ATP6V1D: variants seen among roughly 807,000 people sequenced by gnomAD.
The protein encoded by ATP6V1D is V-type proton ATPase subunit D.
A neutral mutation model predicts 39.4 loss-of-function variants in ATP6V1D; 20 were observed. The observed-to-expected ratio is 0.51, with a 90% confidence interval of 0.36 to 0.74. The LOEUF (loss-of-function observed/expected upper bound fraction) is 0.74. Ranked by LOEUF, ATP6V1D falls within the 30% of genes least tolerant of loss-of-function variation. The probability of loss-of-function intolerance (pLI) is 0.00; values close to 1 mark genes in which losing one functional copy is unlikely to be tolerated. For synonymous variants in ATP6V1D, 100 were observed against 100.5 expected (o/e 0.99, Z 0.03); for missense variants, 228 against 291.6 (o/e 0.78, Z 1.59).
intron 7 of ATP6V1D, among the ~76,000 whole-genome samples, chr14:67,342,557 C>CTTTTTTTTT (rs767148771): frequency 2.9e-5 from 4 of 136,960 alleles, no homozygotes; most frequent in East Asian, 2.1e-4. Context: ...ACGAATTATC[C>CTTTTTTTTT]TTTTTTTTTT....
intron 1 of ATP6V1D, among the ~76,000 whole-genome samples, chr14:67,354,865 G>C (rs1256641014): frequency 6.6e-6 from 1 of 152,210 alleles, no homozygotes; most frequent in Non-Finnish European, 1.5e-5. Flanking sequence ...CCAGGCTAGA[G>C]TGCAATGGCG....
intron 2 of ATP6V1D, 100 bp downstream of exon 2, chr14:67,352,823 G>GA (rs535894052): frequency 1.3e-6 from 1 of 758,924 alleles, no homozygotes; most frequent in South Asian, 2.0e-5. Context: ...ACTTTTGAAA[G>GA]AAAAAAATTA....
chr14:67,356,440 A>AC (rs1566604310), intron 1 of ATP6V1D, among the ~76,000 whole-genome samples: 28 of 141,830 alleles, frequency 2.0e-4, no homozygotes, highest in African/African-American at 6.8e-4. Context: ...AAAACAAAAA[A>AC]AAAAAAACAA....
intron 2 of ATP6V1D, 68 bp downstream of exon 2, chr14:67,352,855 A>C: frequency 5.6e-6 from 6 of 1,076,546 alleles, no homozygotes; most frequent in Non-Finnish European, 8.0e-6. Context: ...AACAACAAAA[A>C]AAAAAATGCC....
At chr14:67,349,161 G>A in intron 3 of ATP6V1D, 57 bp from the exon 4 acceptor site, 1 of 1,503,060 alleles carries the variant, frequency 6.7e-7, no homozygotes, top group East Asian at 2.3e-5. Context: ...AACCTACAGG[G>A]ACCCACTGGA....
intron 3 of ATP6V1D, 91 bp downstream of exon 3, chr14:67,350,520 T>C (rs2085648994): frequency 8.6e-7 from 1 of 1,157,174 alleles, no homozygotes; most frequent in East Asian, 2.4e-5. Context: ...TCCTTAACGC[T>C]TATTTCTAAA....
At chr14:67,338,969 C>T (rs1357032895) in intron 8 of ATP6V1D, among the ~76,000 whole-genome samples, 2 of 148,872 alleles carry the variant, frequency 1.3e-5, no homozygotes, top group Admixed American at 6.7e-5. Context: ...AAGCTAATAA[C>T]TGATTTAACC....
chr14:67,350,682 C>T lies in ATP6V1D; in HGVS notation c.168G>A (p.Met56Ile). 2 of 1,613,320 alleles carry T rather than the reference C, an allele frequency of 1.2e-6. No homozygotes were observed. Among genetic ancestry groups the T allele is most frequent in the Non-Finnish European group, 1.7e-6 (2 of 1,179,622 alleles). Residue 56 changes from methionine to isoleucine, a missense_variant, in exon 3 of 9, where the codon ATG (methionine) becomes ATA (isoleucine). Physicochemically the swap from Met to Ile is conservative, Grantham distance 10. Transcript: ENST00000216442. Reference sequence around the variant, plus strand: ...CTTCTCTCATCACTTCGCCCATCAACATTTTAGTCTGGAAAAGCATAAACC... The same window carrying T: ...CTTCTCTCATCACTTCGCCCATCAATATTTTAGTCTGGAAAAGCATAAACC... ...QILKKIIETK[M>I]LMGEVMREAA...
chr14:67,347,507 T>TTA, intron 4 of ATP6V1D, 54 bp from the exon 5 acceptor site: 2 of 1,489,156 alleles, frequency 1.3e-6, no homozygotes, highest in Non-Finnish European at 9.2e-7. Flanking sequence ...TCTCTCTTTT[T>TTA]TTTTTTTTTC....
chr14:67,341,464 G>A (rs2085582115), intron 7 of ATP6V1D, among the ~76,000 whole-genome samples: 1 of 152,064 alleles, frequency 6.6e-6, no homozygotes, highest in Non-Finnish European at 1.5e-5. Context: ...GAGGGAGGTT[G>A]GGGGGTCAGC....
rs2085556097 is a variant in ATP6V1D, at chr14:67,338,473, G to A, written c.*148C>T. 3 of 843,378 alleles carry A rather than the reference G, an allele frequency of 3.6e-6. No homozygotes were observed. Among genetic ancestry groups the A allele is most frequent in the Non-Finnish European group, 5.4e-6 (3 of 555,716 alleles). The allele number at this position is 843,378 out of a possible 1,614,324, so 52.2% of individuals were successfully genotyped here. A position where few individuals can be genotyped will look rare whatever the true frequency, so the allele number is the denominator to read the frequency against. On this transcript the variant is annotated 3_prime_UTR_variant, in exon 9 of 9. Coordinates refer to ENST00000216442, the MANE Select transcript of ATP6V1D (RefSeq NM_015994.4). ...GTTGCTAAATTATGATTCTGCAAAAGTAATCCCATAAATAGACATCTAGGT... is the reference window on the plus strand; with the variant it reads ...GTTGCTAAATTATGATTCTGCAAAAATAATCCCATAAATAGACATCTAGGT...
Position 67,352,939 on chromosome 14 carries a change from A to G in ATP6V1D, c.143T>C (p.Leu48Pro). 1 of 1,608,558 alleles carries G rather than the reference A, an allele frequency of 6.2e-7. No individual in the cohort carries two copies. The highest frequency in any genetic ancestry group is 8.5e-7 in the Non-Finnish European group (1 of 1,175,152). ...TCATTCTACCTCTATTATCTTCTTT[A>G]GGATCTGTCGAAATCGAAGAGTTAA... The part of the protein sequence containing the change: ...DALTLRFRQI[L>P]KKIIETKMLM... Residue 48 changes from leucine (L) to proline (P), a missense_variant, in exon 2 of 9, where the codon CTA becomes CCA. By Grantham distance (98) the Leu-to-Pro change is moderately conservative. This residue lies in a region of ATP6V1D where 104 missense variants were observed against 120.2 expected (regional missense o/e 0.87). Transcript: ENST00000216442.
Position 67,341,599 on chromosome 14 carries a change from G to A in ATP6V1D, c.524-1081C>T, listed in dbSNP as rs565433860. Among the ~76,000 whole-genome samples, 178 of 151,594 alleles carry A rather than the reference G, an allele frequency of 1.2e-3. 4 individuals are homozygous for A. In the South Asian group the frequency reaches 0.037, roughly 31 times the overall value. ...CCCCGCCAGGCCAGCCACCCTGTCC[G>A]GGAGGTGAGGGGCGCCTCTGCCCGG... On this transcript the variant is annotated intron_variant, in intron 7 of 8. Transcript: ENST00000216442.
At chr14:67,349,772 T>A (rs973282148) in intron 3 of ATP6V1D, among the ~76,000 whole-genome samples, 2 of 152,192 alleles carry the variant, frequency 1.3e-5, no homozygotes, top group Non-Finnish European at 2.9e-5. Context: ...ACATACCACT[T>A]ATACACTATT....
chr14:67,350,693 G>A lies in ATP6V1D; in HGVS notation c.160-3C>T, dbSNP rs1462374225. On this transcript the variant is annotated splice_polypyrimidine_tract_variant and splice_region_variant and intron_variant, in intron 2 of 8. Transcript: ENST00000216442. ...ACTTCGCCCATCAACATTTTAGTCT[G>A]GAAAAGCATAAACCAACAGCAGATT... 6.2e-7 allele frequency: 1 copy of A among 1,612,528 alleles called. No homozygotes were observed. Among genetic ancestry groups the A allele is most frequent in the East Asian group, 2.2e-5 (1 of 44,768 alleles).
At chr14:67,359,583 TG>T in intron 1 of ATP6V1D, 74 bp downstream of exon 1, 1 of 1,528,592 alleles carries the variant, frequency 6.5e-7, no homozygotes, top group Non-Finnish European at 9.0e-7. Flanking sequence ...ACCCTCACTG[TG>T]GCCCAGGGTC....
chr14:67,352,009 G>C (rs1016936302), intron 2 of ATP6V1D, among the ~76,000 whole-genome samples: 5 of 151,614 alleles, frequency 3.3e-5, no homozygotes, highest in Admixed American at 6.6e-5. Context: ...ACAGGGCCAG[G>C]CACAGTGGCT....
intron 1 of ATP6V1D, among the ~76,000 whole-genome samples, chr14:67,357,063 G>A (rs2085690089): frequency 6.6e-6 from 1 of 152,192 alleles, no homozygotes; most frequent in African/African-American, 2.4e-5. Context: ...AACTCTAAGA[G>A]CAGCGTGCAC....
At chr14:67,355,169 A>C (rs993603645) in intron 1 of ATP6V1D, among the ~76,000 whole-genome samples, 2 of 152,116 alleles carry the variant, frequency 1.3e-5, no homozygotes, top group African/African-American at 4.8e-5. Flanking sequence ...TGGTATTAAC[A>C]TGTTTTGATA....
Sources: gnomAD v4.1 joint callset for allele counts (sites outside exome capture counted in the v4.1 genomes callset) on GRCh38, gnomAD v4.1.1 for gene constraint, gnomAD v4.1.1 regional missense constraint, MANE v1.5 for transcripts, NCBI Gene and HGNC (gene_info 2026-07-23, HGNC 2026-07-21) for gene names.